Variants in TM6SF1 observed in about 807,000 individuals in gnomAD.
The protein encoded by TM6SF1 is transmembrane 6 superfamily member 1.
Under a neutral mutation model 47.1 loss-of-function variants are expected in TM6SF1, and 43 were observed. The observed-to-expected ratio is 0.91, with a 90% CI of 0.72 to 1.18. The LOEUF is 1.18. Ranked by LOEUF, TM6SF1 falls within the 50% of genes most tolerant of loss-of-function variation. TM6SF1 has a pLI of 0.00. For missense variants in TM6SF1, 390 were observed against 449.0 expected (o/e 0.87, Z 1.19); for synonymous variants, 177 against 166.3 (o/e 1.06, Z -0.49).
At chr15:83,130,581 G>C (rs1487826198) in intron 9 of TM6SF1, 1 of 152,250 alleles carries the variant, frequency 6.6e-6, no homozygotes, top group African/African-American at 2.4e-5. Flanking sequence ...GACAGACTGA[G>C]TAAAGAATTA....
chr15:83,123,848 G>GA (rs1337138108), intron 6 of TM6SF1, among the ~76,000 whole-genome samples: 1 of 152,326 alleles, frequency 6.6e-6, no homozygotes, highest in African/African-American at 2.4e-5. Flanking sequence ...TTTTTAATGT[G>GA]AAAACACAGT....
rs563653192 is a variant in TM6SF1 at position 83,126,935 on chromosome 15, G to A, written c.801+88G>A. The A allele has an allele frequency of 1.0e-3, 1,026 of 1,023,872 alleles. 7 individuals are homozygous for A. Among genetic ancestry groups the A allele is most frequent in the Middle Eastern group, 7.0e-3 (32 of 4,578 alleles). The allele number at this position is 1,023,872 out of a possible 1,614,324, so 63.4% of individuals were successfully genotyped here. ...CAGCTGGGTGCGGTGGCTCACGCCT[G>A]TAATCCCAGCACTTTGGGAGGCCGA... On this transcript the variant is annotated intron_variant, in intron 8 of 9. Transcript: ENST00000322019.
intron 9 of TM6SF1, chr15:83,132,395 T>C (rs2036313379): frequency 6.6e-6 from 1 of 152,200 alleles, no homozygotes; most frequent in African/African-American, 2.4e-5. Flanking sequence ...GAGCCTGCCA[T>C]CCCACAGCCA....
intron 3 of TM6SF1, 45 bp downstream of exon 3, chr15:83,115,987 C>A (rs758199585): frequency 2.2e-6 from 3 of 1,392,806 alleles, no homozygotes; most frequent in South Asian, 1.2e-5. Flanking sequence ...CAAAAGGCCA[C>A]AACCCAGATC....
intron 1 of TM6SF1, chr15:83,111,693 C>T (rs2034198333): frequency 1.0e-6 from 1 of 985,078 alleles, no homozygotes; most frequent in Admixed American, 6.1e-5. Flanking sequence ...TGTAGCAGGC[C>T]ATTGGAGTGG....
intron 1 of TM6SF1, among the ~76,000 whole-genome samples, chr15:83,108,720 A>G (rs565388517): frequency 2.5e-3 from 379 of 152,292 alleles, no homozygotes; most frequent in Non-Finnish European, 3.8e-3. Context: ...GGTGCTAAGG[A>G]AATTGCATCA....
chr15:83,118,229 GTA>G (rs199544063), intron 3 of TM6SF1, among the ~76,000 whole-genome samples: 1 of 128,388 alleles, frequency 7.8e-6, no homozygotes, highest in African/African-American at 3.4e-5. Flanking sequence ...GTCTCTGTAC[GTA>G]CACACACACA....
chr15:83,124,807 T>C (rs373107087), intron 7 of TM6SF1, 31 bp downstream of exon 7: 49 of 1,497,120 alleles, frequency 3.3e-5, no homozygotes, highest in Middle Eastern at 1.7e-4. Context: ...TAACGTAACA[T>C]TGTGATACTA....
At chr15:83,123,845 T>C (rs973279257) in intron 6 of TM6SF1, among the ~76,000 whole-genome samples, 2 of 152,260 alleles carry the variant, frequency 1.3e-5, no homozygotes, top group African/African-American at 4.8e-5. Context: ...TTATTTTTAA[T>C]GTGAAAACAC....
intron 1 of TM6SF1, among the ~76,000 whole-genome samples, chr15:83,109,484 T>G (rs1286804128): frequency 6.6e-6 from 1 of 152,228 alleles, no homozygotes; most frequent in Non-Finnish European, 1.5e-5. Context: ...CTACAGCATT[T>G]TGAATAATTA....
intron 4 of TM6SF1, 149 bp downstream of exon 4, chr15:83,119,830 T>A: frequency 2.3e-6 from 3 of 1,282,838 alleles, no homozygotes; most frequent in Non-Finnish European, 3.2e-6. Context: ...CGTGGCTTTA[T>A]CCTCCTTGTA....
intron 9 of TM6SF1, chr15:83,132,312 T>C (rs1441885476): frequency 2.6e-5 from 4 of 152,144 alleles, no homozygotes; most frequent in Non-Finnish European, 5.9e-5. Flanking sequence ...ATTAAGTGTA[T>C]TGTATATAAT....
chr15:83,136,767 TACTTAA>T lies in TM6SF1; in HGVS notation c.*96_*101del. On this transcript the variant is annotated 3_prime_UTR_variant, in exon 10 of 10. Coordinates refer to ENST00000322019, the MANE Select transcript of TM6SF1 (RefSeq NM_023003.5). ...ATTTCACTCTCTTCTCATACGTGAG[TACTTAA>T]GAATATGTACATTCTTGCTCTGCAC... The T allele has an allele frequency of 1.9e-6, 2 of 1,026,488 alleles. No homozygotes were observed. The highest frequency in any genetic ancestry group is 2.8e-6 in the Non-Finnish European group (2 of 701,852). 63.6% of individuals were successfully genotyped at this position (1,026,488 alleles called of 1,614,324 possible).
intron 1 of TM6SF1, among the ~76,000 whole-genome samples, chr15:83,112,285 C>A (rs1052203966): frequency 6.6e-6 from 1 of 152,150 alleles, no homozygotes; most frequent in Non-Finnish European, 1.5e-5. Context: ...ATTCTCTGGC[C>A]CATTTGACTA....
At chr15:83,122,658 A>G in intron 5 of TM6SF1, 99 bp from the exon 6 acceptor site, 3 of 1,388,488 alleles carry the variant, frequency 2.2e-6, no homozygotes, top group Non-Finnish European at 2.9e-6. Context: ...TCTGGCCCAT[A>G]GCAAAATTTT....
chr15:83,124,713 A>AT lies in TM6SF1; in HGVS notation c.648dup (p.Asp217Ter). 1 of 1,614,118 alleles carries AT rather than the reference A, an allele frequency of 6.2e-7. No individual in the cohort carries two copies. The highest frequency in any genetic ancestry group is 8.5e-7 in the Non-Finnish European group (1 of 1,180,020). On this transcript the variant is annotated frameshift_variant, in exon 7 of 10. Transcript: ENST00000322019. LOFTEE classifies it high-confidence loss of function. ...AAGCGAAAGACCTGCTGAGAAGACCATTTGATTTAATGTTGGTTGTGTGTC... is the reference window on the plus strand; with the variant it reads ...AAGCGAAAGACCTGCTGAGAAGACCATTTTGATTTAATGTTGGTTGTGTGTC...
chr15:83,136,403 T>G, intron 9 of TM6SF1, 78 bp from the exon 10 acceptor site: 1 of 1,290,472 alleles, frequency 7.7e-7, no homozygotes, highest in South Asian at 1.8e-5. Flanking sequence ...GTAGCCTGAA[T>G]GAACCATTCA....
chr15:83,120,450 C>T (rs2035114311), intron 4 of TM6SF1, among the ~76,000 whole-genome samples: 1 of 152,136 alleles, frequency 6.6e-6, no homozygotes, highest in Non-Finnish European at 1.5e-5. Context: ...ATTTCAAGTC[C>T]GGCCATCTTC....
At chr15:83,121,166 GTT>G (rs1403337837) in intron 4 of TM6SF1, among the ~76,000 whole-genome samples, 7 of 151,700 alleles carry the variant, frequency 4.6e-5, no homozygotes, top group Admixed American at 2.6e-4. Flanking sequence ...TGCCTCCCAG[GTT>G]CAACCATTTC....
Sources: allele counts gnomAD v4.1 joint callset (sites outside exome capture counted in the v4.1 genomes callset), GRCh38; gene constraint gnomAD v4.1.1; transcripts MANE v1.5; gene names NCBI Gene and HGNC (gene_info 2026-07-23, HGNC 2026-07-21).